Variants in SMC5 observed in about 807,000 individuals in gnomAD.
SMC5 encodes structural maintenance of chromosomes 5, also known as structural maintenance of chromosomes protein 5.
In SMC5, 88 loss-of-function variants were observed where a neutral mutation model predicts 148.3. That is an observed-to-expected ratio of 0.59 (90% CI 0.50 to 0.71). The LOEUF is 0.71. Ranked by LOEUF, SMC5 falls within the 30% of genes least tolerant of loss-of-function variation. The probability of loss-of-function intolerance (pLI) is 0.00; values close to 1 mark genes in which losing one functional copy is unlikely to be tolerated. For missense variants in SMC5, 1,142 were observed against 1,298.9 expected (o/e 0.88, Z 1.86); for synonymous variants, 421 against 432.8 (o/e 0.97, Z 0.34).
intron 17 of SMC5, among the ~76,000 whole-genome samples, chr9:70,326,749 T>C (rs1296862640): frequency 6.6e-6 from 1 of 151,900 alleles, no homozygotes; most frequent in East Asian, 1.9e-4. Flanking sequence ...ACAAGCTTAG[T>C]AAAAGCACAG....
intron 1 of SMC5, among the ~76,000 whole-genome samples, chr9:70,262,884 G>C (rs2117941676): frequency 6.6e-6 from 1 of 151,824 alleles, no homozygotes; most frequent in South Asian, 2.1e-4. Context: ...CGTAGAATCA[G>C]AAGATTGATT....
In SMC5 at chr9:70,352,310, T is replaced by A; in HGVS notation, c.3285T>A (p.Ile1095=). 1 of 1,605,488 alleles carries A rather than the reference T, an allele frequency of 6.2e-7. No individual in the cohort carries two copies. Reference sequence around the variant, plus strand: ...CTTTCCAAAGGCGGCGGCGCCGTATTACATTCACTCAACCTTCTTAATAAA... The same window carrying A: ...CTTTCCAAAGGCGGCGGCGCCGTATAACATTCACTCAACCTTCTTAATAAA... ...LKAFQRRRRR[I]TFTQPS is the part of the protein sequence containing the mutation. Residue 1095 remains isoleucine, a synonymous_variant, in exon 25 of 25, where the codon ATT becomes ATA. Transcript: ENST00000361138.
chr9:70,291,598 T>G (rs1410762967), intron 8 of SMC5, among the ~76,000 whole-genome samples: 1 of 152,196 alleles, frequency 6.6e-6, no homozygotes, highest in Non-Finnish European at 1.5e-5. Flanking sequence ...TTTTAAGATT[T>G]TTGGTTAGCT....
At chr9:70,262,491 A>G (rs2034166591) in intron 1 of SMC5, among the ~76,000 whole-genome samples, 1 of 152,210 alleles carries the variant, frequency 6.6e-6, no homozygotes. Flanking sequence ...ACCAAAGAGG[A>G]TGCAAAACTA....
In SMC5 at chr9:70,352,226, A is replaced by G. The variant is rs377036850; in HGVS notation, c.3201A>G (p.Thr1067=). Residue 1067 remains threonine (T), a synonymous_variant, in exon 25 of 25, where the codon ACA becomes ACG. Coordinates refer to ENST00000361138, the MANE Select transcript of SMC5 (RefSeq NM_015110.4). ...ATCTTCCTTATTCTGAAAAGATGAC[A>G]GTTTTGTTTGTCTACAATGGCCCTC... ...LQNLPYSEKM[T]VLFVYNGPHM... The G allele has an allele frequency of 6.2e-7, 1 of 1,611,080 alleles. No homozygotes were observed. Among genetic ancestry groups the G allele is most frequent in the Non-Finnish European group, 8.5e-7 (1 of 1,179,226 alleles).
At chr9:70,334,129 G>GTTTTT (rs75387148) in intron 17 of SMC5, among the ~76,000 whole-genome samples, 1 of 133,998 alleles carries the variant, frequency 7.5e-6, no homozygotes, top group Non-Finnish European at 1.6e-5. Context: ...AGTTGTTGTT[G>GTTTTT]TTTTTTTTTT....
At chr9:70,318,766 A>G in intron 14 of SMC5, 28 bp from the exon 15 acceptor site, 1 of 1,549,666 alleles carries the variant, frequency 6.5e-7, no homozygotes. Flanking sequence ...TTTTTTAAAT[A>G]TGTTAACAAT....
At chr9:70,271,056 C>T (rs1472787860) in intron 3 of SMC5, among the ~76,000 whole-genome samples, 4 of 150,190 alleles carry the variant, frequency 2.7e-5, no homozygotes, top group African/African-American at 7.4e-5. Context: ...TTATACTTAT[C>T]GGTTCAACAT....
In SMC5 at chr9:70,352,638, A is replaced by T. The variant is rs1313007681; in HGVS notation, c.*307A>T. On this transcript the variant is annotated 3_prime_UTR_variant, in exon 25 of 25. Coordinates refer to ENST00000361138, the MANE Select transcript of SMC5 (RefSeq NM_015110.4). ...CAAAGGTACAGTGGAAGAAGGGTTA[A>T]TCACAAGAAGTTACTTATATGGTAG... is the stretch of plus-strand genomic sequence containing the variant. The T allele has an allele frequency of 4.5e-6, 1 of 223,150 alleles. No homozygotes were observed. The highest frequency in any genetic ancestry group is 9.3e-5 in the East Asian group (1 of 10,742). The allele number at this position is 223,150 out of a possible 1,614,324, so 13.8% of individuals were successfully genotyped here. A position where few individuals can be genotyped will look rare whatever the true frequency, so the allele number is the denominator to read the frequency against.
Position 70,282,484 on chromosome 9 carries a change from A to T in SMC5, c.882A>T (p.Glu294Asp). The T allele has an allele frequency of 6.2e-7, 1 of 1,608,150 alleles. No homozygotes were observed. ...EVKLVRDRVKEEVRKLKEGQI... is the reference protein window; with the variant it reads ...EVKLVRDRVKDEVRKLKEGQI... The stretch of plus-strand genomic sequence containing the variant: ...AACTAGTTCGTGACCGAGTGAAGGA[A>T]GAGGTCAGAAAACTTAAAGAAGGGC... Residue 294 changes from glutamate to aspartate, a missense_variant, in exon 7 of 25, where the codon GAA becomes GAT. Coordinates refer to ENST00000361138, the MANE Select transcript of SMC5 (RefSeq NM_015110.4).
At chr9:70,347,226 C>T in intron 20 of SMC5, 65 bp downstream of exon 20, 1 of 1,298,144 alleles carries the variant, frequency 7.7e-7, no homozygotes, top group Non-Finnish European at 1.1e-6. Context: ...CATACACACA[C>T]ATACACACAC....
intron 7 of SMC5, among the ~76,000 whole-genome samples, chr9:70,283,202 G>T (rs954286447): frequency 6.6e-5 from 10 of 152,194 alleles, no homozygotes; most frequent in Admixed American, 4.6e-4. Flanking sequence ...AGTGGCTCAT[G>T]CCTGTAATCC....
chr9:70,271,803 T>C (rs1297519524), intron 3 of SMC5, among the ~76,000 whole-genome samples: 1 of 152,148 alleles, frequency 6.6e-6, no homozygotes, highest in Non-Finnish European at 1.5e-5. Flanking sequence ...ATATTTCAGG[T>C]ATAGAGATTT....
intron 9 of SMC5, 32 bp downstream of exon 9, chr9:70,298,253 A>T (rs759838398): frequency 6.3e-7 from 1 of 1,588,132 alleles, no homozygotes; most frequent in Non-Finnish European, 8.6e-7. Flanking sequence ...TGAAATGTTT[A>T]TAAAATGTAG....
intron 2 of SMC5, among the ~76,000 whole-genome samples, chr9:70,266,119 T>G (rs1407368608): frequency 6.6e-6 from 1 of 152,004 alleles, no homozygotes; most frequent in Non-Finnish European, 1.5e-5. Flanking sequence ...ATCAAAAAAT[T>G]TCAAAAAATG....
At position 70,300,134 on chromosome 9, in the gene SMC5, T is replaced by A. The variant is rs755799093; in HGVS notation, c.1398T>A (p.Ala466=). ...LRQRFRDTYD[A]VLWLRNNRDK... is the part of the protein sequence containing the mutation. ...AGAGATTCCGTGACACGTATGATGC[T>A]GTTTTATGGCTAAGAAATAACAGAG... Residue 466 remains alanine (A), a synonymous_variant, in exon 10 of 25, where the codon GCT becomes GCA. Transcript: ENST00000361138. 1.9e-6 allele frequency: 3 copies of A among 1,603,450 alleles called. No individual in the cohort carries two copies. The highest frequency in any genetic ancestry group is 1.7e-6 in the Non-Finnish European group (2 of 1,177,122).
intron 15 of SMC5, among the ~76,000 whole-genome samples, chr9:70,321,085 C>CTT (rs1019670675): frequency 6.6e-6 from 1 of 152,162 alleles, no homozygotes; most frequent in African/African-American, 2.4e-5. Context: ...GTAGACCGGA[C>CTT]TTTGAGAACC....
chr9:70,326,034 T>C (rs980326669), intron 17 of SMC5, among the ~76,000 whole-genome samples: 6 of 152,014 alleles, frequency 3.9e-5, no homozygotes, highest in African/African-American at 9.7e-5. Context: ...TTTACAGATA[T>C]AAGAGACATA....
At chr9:70,343,540 C>A (rs2036577782) in intron 17 of SMC5, among the ~76,000 whole-genome samples, 1 of 152,030 alleles carries the variant, frequency 6.6e-6, no homozygotes, top group African/African-American at 2.4e-5. Context: ...CATGACCGGG[C>A]CTGGTGGCTC....
Sources: allele counts gnomAD v4.1 joint callset (sites outside exome capture counted in the v4.1 genomes callset), GRCh38; gene constraint gnomAD v4.1.1; transcripts MANE v1.5; gene names NCBI Gene and HGNC (gene_info 2026-07-23, HGNC 2026-07-21).